The following CDH13 variants were observed in gnomAD, a reference collection of about 807,000 sequenced individuals.
CDH13 encodes cadherin-13.
Under a neutral mutation model 63.8 loss-of-function variants are expected in CDH13, and 24 were observed. The observed-to-expected ratio is 0.38, with a 90% CI of 0.27 to 0.53. The LOEUF (loss-of-function observed/expected upper bound fraction) is 0.53. Among genes scored for constraint, CDH13 ranks in the 20% least tolerant of loss-of-function variants. CDH13 has a pLI of 0.85. For missense variants in CDH13, 1,049 were observed against 903.1 expected, an observed-to-expected ratio of 1.16 and a Z score of -2.07; for synonymous variants, 503 against 355.3, an observed-to-expected ratio of 1.42 and a Z score of -4.67.
chr16:82,808,959 A>G (rs923244872), intron 1 of CDH13, among the ~76,000 whole-genome samples: 3 of 152,196 alleles, frequency 2.0e-5, no homozygotes, highest in Admixed American at 2.0e-4. Context: ...AGGTAGGTGC[A>G]ATAAACTAAG....
At chr16:83,535,788 G>T (rs1352006794) in intron 7 of CDH13, among the ~76,000 whole-genome samples, 1 of 140,420 alleles carries the variant, frequency 7.1e-6, no homozygotes, top group Non-Finnish European at 1.6e-5. Flanking sequence ...TGACACAGAG[G>T]AAGTATTTGG....
chr16:83,032,879 A>C (rs2151475850), intron 3 of CDH13, among the ~76,000 whole-genome samples: 2 of 152,326 alleles, frequency 1.3e-5, no homozygotes, highest in South Asian at 4.1e-4. Flanking sequence ...AAGGAAATGG[A>C]TGGTGGATAG....
intron 4 of CDH13, among the ~76,000 whole-genome samples, chr16:83,199,245 C>A (rs765166340): frequency 5.3e-5 from 8 of 152,224 alleles, no homozygotes; most frequent in Admixed American, 1.3e-4. Context: ...GCATGCTTGT[C>A]TGCTCAGCAG....
At chr16:82,897,525 G>T (rs963799885) in intron 2 of CDH13, among the ~76,000 whole-genome samples, 6 of 152,224 alleles carry the variant, frequency 3.9e-5, no homozygotes, top group Non-Finnish European at 7.3e-5. Flanking sequence ...TTACAGCAAC[G>T]CTGGGAGCTG....
At chr16:83,430,936 T>C (rs1356065003) in intron 6 of CDH13, among the ~76,000 whole-genome samples, 1 of 151,686 alleles carries the variant, frequency 6.6e-6, no homozygotes, top group Non-Finnish European at 1.5e-5. Context: ...CATCTAGCAT[T>C]AGGTATATCT....
chr16:83,004,490 C>T (rs564042839), intron 2 of CDH13, among the ~76,000 whole-genome samples: 7 of 151,996 alleles, frequency 4.6e-5, no homozygotes, highest in African/African-American at 1.7e-4. Flanking sequence ...GCAAGGACCC[C>T]TGTTTTGTTT....
intron 1 of CDH13, among the ~76,000 whole-genome samples, chr16:82,753,085 C>G (rs919418469): frequency 1.3e-5 from 2 of 152,072 alleles, no homozygotes; most frequent in Non-Finnish European, 2.9e-5. Context: ...TAGAAAAATC[C>G]TGAAATTTCA....
At chr16:83,203,474 T>C (rs866875675) in intron 4 of CDH13, among the ~76,000 whole-genome samples, 77 of 151,700 alleles carry the variant, frequency 5.1e-4, no homozygotes, top group South Asian at 4.8e-3. Flanking sequence ...ATCATGAGGT[T>C]AGGAGATCAA....
At chr16:83,542,301 G>A (rs570928326) in intron 7 of CDH13, among the ~76,000 whole-genome samples, 5 of 152,182 alleles carry the variant, frequency 3.3e-5, no homozygotes, top group African/African-American at 4.8e-5. Flanking sequence ...CTTCCCAGAT[G>A]AATGTAATGT....
At chr16:83,026,967 G>A (rs148502516) in intron 2 of CDH13, among the ~76,000 whole-genome samples, 134 of 152,250 alleles carry the variant, frequency 8.8e-4, no homozygotes, top group African/African-American at 3.1e-3. Flanking sequence ...AGGGGCCAAG[G>A]GGAGAGCATA....
intron 13 of CDH13, among the ~76,000 whole-genome samples, chr16:83,787,233 G>T (rs1192858645): frequency 6.6e-6 from 1 of 152,188 alleles, no homozygotes. Flanking sequence ...TCAGCGTTCA[G>T]CAAACTTTTT....
chr16:83,715,046 G>A (rs898421223), intron 10 of CDH13, among the ~76,000 whole-genome samples: 6 of 152,144 alleles, frequency 3.9e-5, no homozygotes, highest in East Asian at 1.9e-4. Context: ...CTAGGTTCGA[G>A]AGTAAGAGTT....
At chr16:83,379,785 T>C (rs2091523090) in intron 6 of CDH13, among the ~76,000 whole-genome samples, 1 of 151,890 alleles carries the variant, frequency 6.6e-6, no homozygotes, top group Admixed American at 6.6e-5. Flanking sequence ...GAATGGCTAA[T>C]AAAAACTTTA....
intron 6 of CDH13, among the ~76,000 whole-genome samples, chr16:83,431,411 T>C (rs993175558): frequency 1.3e-5 from 2 of 151,912 alleles, no homozygotes; most frequent in African/African-American, 4.8e-5. Context: ...CAGGAGATGA[T>C]GGCAGAGAGG....
At chr16:83,104,109 C>G (rs1186485494) in intron 3 of CDH13, among the ~76,000 whole-genome samples, 1 of 152,142 alleles carries the variant, frequency 6.6e-6, no homozygotes, top group Admixed American at 6.5e-5. Flanking sequence ...ATTACACGAC[C>G]ATTGAATATT....
At chr16:83,314,652 C>T (rs2090069562) in intron 5 of CDH13, among the ~76,000 whole-genome samples, 1 of 152,156 alleles carries the variant, frequency 6.6e-6, no homozygotes, top group African/African-American at 2.4e-5. Context: ...TCTCTTCCAA[C>T]ACAAGAAAAG....
rs114222118 is a variant in CDH13, at chr16:83,331,998, G to A, written c.637-12864G>A. Among the ~76,000 whole-genome samples, 830 of 152,014 alleles carry A rather than the reference G, an allele frequency of 5.5e-3. 12 individuals carry two copies. Among genetic ancestry groups the A allele is most frequent in the African/African-American group, 0.019 (806 of 41,464 alleles). On this transcript the variant is annotated intron_variant, in intron 5 of 13. Transcript: ENST00000567109. ...AGTGAAATTTTCAAAGCTTGTGATG[G>A]GTGTTAACAAATTGCATTTCGGAAA... is the stretch of plus-strand genomic sequence containing the variant.
intron 5 of CDH13, among the ~76,000 whole-genome samples, chr16:83,279,248 G>C (rs896441276): frequency 6.6e-6 from 1 of 152,076 alleles, no homozygotes; most frequent in African/African-American, 2.4e-5. Context: ...TTGTAAGTCA[G>C]CTGTTTTTAT....
rs1172008756 is a variant in CDH13, at chr16:83,513,745, G to C, written c.960+27090G>C. On this transcript the variant is annotated intron_variant, in intron 7 of 13. Coordinates refer to ENST00000567109, the MANE Select transcript of CDH13 (RefSeq NM_001257.5). ...TCACCAGGCCCCTCCAACAACACAT[G>C]GGGATTATGGGAACTACAATTCAAG... Among the ~76,000 whole-genome samples the C allele has an allele frequency of 2.6e-5, 4 of 152,268 alleles. No homozygotes were observed. The South Asian group carries it at 6.2e-4, about 24-fold the overall frequency.
Sources: gnomAD v4.1 joint callset for allele counts (sites outside exome capture counted in the v4.1 genomes callset) on GRCh38, gnomAD v4.1.1 for gene constraint, MANE v1.5 for transcripts, NCBI Gene and HGNC (gene_info 2026-07-23, HGNC 2026-07-21) for gene names.